CCDC57: variants seen among roughly 807,000 people sequenced by gnomAD.
CCDC57 encodes the protein coiled-coil domain-containing protein 57.
CCDC57 carries 118 observed loss-of-function variants against 118.9 expected under a neutral mutation model. That is an observed-to-expected ratio of 0.99 (90% CI 0.86 to 1.16). The LOEUF (loss-of-function observed/expected upper bound fraction) is 1.16, where lower values mean the gene tolerates loss of function less well. Ranked by LOEUF, CCDC57 falls within the 50% of genes most tolerant of loss-of-function variation. CCDC57 has a pLI of 0.00. For synonymous variants in CCDC57, 527 were observed against 532.9 expected (o/e 0.99, Z 0.15); for missense variants, 1,300 against 1,320.7 (o/e 0.98, Z 0.24).
At chr17:82,154,827 C>A (rs1401140299) in intron 15 of CCDC57, 1 of 152,428 alleles carries the variant, frequency 6.6e-6, no homozygotes, top group Non-Finnish European at 1.5e-5. Context: ...GGCGTTTCTA[C>A]AGATGATGCC....
At chr17:82,176,009 AC>A (rs2045422902) in intron 11 of CCDC57, among the ~76,000 whole-genome samples, 3 of 152,236 alleles carry the variant, frequency 2.0e-5, no homozygotes, top group Non-Finnish European at 4.4e-5. Context: ...ATTTTGCTGT[AC>A]AATGTTGGCA....
chr17:82,176,763 G>A (rs1009895034), intron 11 of CCDC57, among the ~76,000 whole-genome samples: 4 of 152,074 alleles, frequency 2.6e-5, no homozygotes, highest in African/African-American at 9.7e-5. Flanking sequence ...CAACAAGGAA[G>A]GCAAGTTTCT....
chr17:82,132,632 C>A (rs540859262), intron 17 of CCDC57, among the ~76,000 whole-genome samples: 6 of 151,950 alleles, frequency 3.9e-5, no homozygotes, highest in Admixed American at 3.9e-4. Context: ...GTTGCTCTGG[C>A]GGGTCTTGAA....
At chr17:82,117,065 C>T (rs574301189) in intron 19 of CCDC57, among the ~76,000 whole-genome samples, 1 of 152,142 alleles carries the variant, frequency 6.6e-6, no homozygotes, top group Non-Finnish European at 1.5e-5. Flanking sequence ...TTAAAAATGG[C>T]GAATTGGGCC....
Position 82,209,757 on chromosome 17 carries a change from G to A in CCDC57, c.-210-1709C>T, listed in dbSNP as rs1194855116. Among the ~76,000 whole-genome samples, 6 of 152,134 alleles carry A rather than the reference G, an allele frequency of 3.9e-5. No individual in the cohort carries two copies. In the South Asian group the frequency reaches 1.2e-3, roughly 32 times the overall value. On this transcript the variant is annotated intron_variant, in intron 1 of 19. Transcript: ENST00000665763. ...CCCCCTCAGCTTCCCAAAGTGGTGG[G>A]ACTACAGGCGTGAGCCACTGTACCC...
chr17:82,190,595 T>G (rs1342594557), intron 7 of CCDC57, among the ~76,000 whole-genome samples: 3 of 148,430 alleles, frequency 2.0e-5, no homozygotes, highest in Admixed American at 6.9e-5. Flanking sequence ...CTTGGGAGGC[T>G]GAGGCATGAG....
chr17:82,112,970 G>A (rs8075120), intron 19 of CCDC57: 1,951 of 185,666 alleles, frequency 0.011, 42 homozygotes, highest in African/African-American at 0.043. Flanking sequence ...AGAAGCAGAA[G>A]TGAGTGCCAG....
chr17:82,157,662 G>T, intron 15 of CCDC57, 86 bp downstream of exon 14: 1 of 1,492,376 alleles, frequency 6.7e-7, no homozygotes, highest in South Asian at 1.3e-5. Flanking sequence ...AGGGCATACA[G>T]ACAGCAACGC....
rs2047756948 is a variant in CCDC57 at position 82,192,212 on chromosome 17, T to C, written c.851+1544A>G. ...GTTGGTCAGGCTGGTCTCAAACTCC[T>C]GACCTCAAGTGATCCCCCTGACTCA... On this transcript the variant is annotated intron_variant, in intron 7 of 19. Coordinates refer to ENST00000665763, the Ensembl canonical transcript of CCDC57. This position sits in a 1 kb window ranked among gnomAD's most constrained non-coding sequence, Gnocchi z 4.0. Among the ~76,000 whole-genome samples the C allele has an allele frequency of 6.6e-6, 1 of 152,004 alleles. No homozygotes were observed. Among genetic ancestry groups the C allele is most frequent in the Non-Finnish European group, 1.5e-5 (1 of 68,000 alleles).
intron 17 of CCDC57, among the ~76,000 whole-genome samples, chr17:82,133,790 G>A (rs1046396470): frequency 1.3e-5 from 2 of 152,030 alleles, no homozygotes; most frequent in African/African-American, 2.4e-5. Context: ...GAACCGGGAG[G>A]GGGAGGTTGT....
chr17:82,195,164 C>T, intron 5 of CCDC57, 99 bp downstream of exon 4: 1 of 871,904 alleles, frequency 1.1e-6, no homozygotes, highest in South Asian at 1.4e-5. Context: ...GATCCTCTTG[C>T]CTTGGTCTCC....
intron 12 of CCDC57, 67 bp from the exon 12 acceptor site, chr17:82,171,920 CACCA>C: frequency 6.4e-7 from 1 of 1,555,286 alleles, no homozygotes; most frequent in Non-Finnish European, 8.8e-7. Flanking sequence ...CTCCTGTGAG[CACCA>C]GCTCAGGGAG....
At chr17:82,186,439 T>C (rs941799993) in intron 8 of CCDC57, among the ~76,000 whole-genome samples, 5 of 152,128 alleles carry the variant, frequency 3.3e-5, no homozygotes, top group Admixed American at 3.3e-4. Context: ...TCTCACCCCG[T>C]ATACCGACCA....
chr17:82,110,328 A>AAAAT (rs917654705), intron 19 of CCDC57, among the ~76,000 whole-genome samples: 10 of 152,192 alleles, frequency 6.6e-5, no homozygotes, highest in African/African-American at 2.4e-4. Context: ...AAAAAAGAAA[A>AAAAT]AAATAAATAA....
intron 17 of CCDC57, among the ~76,000 whole-genome samples, chr17:82,132,042 C>T (rs914717678): frequency 6.2e-5 from 9 of 146,144 alleles, no homozygotes; most frequent in African/African-American, 2.0e-4. Context: ...GGCGTGAACT[C>T]GGGAGGCGGA....
chr17:82,205,803 T>C (rs2049553300), intron 2 of CCDC57, among the ~76,000 whole-genome samples: 1 of 152,064 alleles, frequency 6.6e-6, no homozygotes, highest in Non-Finnish European at 1.5e-5. Context: ...GAGCCCAGCA[T>C]CTCCAGCGCT....
At chr17:82,101,948 G>T in intron 19 of CCDC57, 82 bp from the exon 19 acceptor site, 1 of 1,337,096 alleles carries the variant, frequency 7.5e-7, no homozygotes. Flanking sequence ...CTGCACAGGT[G>T]CAGCACTTCC....
At chr17:82,171,950 GC>G in intron 12 of CCDC57, 97 bp from the exon 12 acceptor site, 1 of 1,313,578 alleles carries the variant, frequency 7.6e-7, no homozygotes, top group South Asian at 1.3e-5. Context: ...GCCAGCTCAT[GC>G]CCGCCAGCTT....
chr17:82,143,506 T>C lies in CCDC57; in HGVS notation c.2455+8054A>G, dbSNP rs575722384. 1.1e-3 allele frequency among the ~76,000 whole-genome samples: 165 copies of C among 150,910 alleles called. 1 individual carries two copies. Among genetic ancestry groups the C allele is most frequent in the African/African-American group, 3.9e-3 (159 of 41,094 alleles). ...CAGGCACACACACACACCCCACACGTGCACACACCCCACACGCGCACACAC... is the reference window on the plus strand; with the variant it reads ...CAGGCACACACACACACCCCACACGCGCACACACCCCACACGCGCACACAC... On this transcript the variant is annotated intron_variant, in intron 16 of 19. Transcript: ENST00000665763.
Sources: allele counts gnomAD v4.1 joint callset (sites outside exome capture counted in the v4.1 genomes callset), GRCh38; gene constraint gnomAD v4.1.1; non-coding constraint Gnocchi (gnomAD v3.1); transcripts MANE v1.5; gene names NCBI Gene and HGNC (gene_info 2026-07-23, HGNC 2026-07-21).